Variants in PTPRT observed in about 807,000 individuals in gnomAD.
The protein encoded by PTPRT is protein tyrosine phosphatase receptor type T.
PTPRT carries 56 observed loss-of-function variants against 176.8 expected under a neutral mutation model. The ratio of observed to expected loss-of-function variants is 0.32; its 90% CI spans 0.26 to 0.40. PTPRT has a LOEUF of 0.40. Ranked by LOEUF, PTPRT falls within the 10% of genes least tolerant of loss-of-function variation. The probability of loss-of-function intolerance (pLI) is 1.00; values close to 1 mark genes in which losing one functional copy is unlikely to be tolerated. For synonymous variants in PTPRT, 783 were observed against 739.0 expected, an observed-to-expected ratio of 1.06 and a Z score of -0.96; for missense variants, 1,540 against 1,908.2, an observed-to-expected ratio of 0.81 and a Z score of 3.60.
chr20:42,502,428 ACAC>A (rs2071768080), intron 7 of PTPRT, among the ~76,000 whole-genome samples: 1 of 148,002 alleles, frequency 6.8e-6, no homozygotes, highest in Admixed American at 6.6e-5. Flanking sequence ...ACACACACAC[ACAC>A]ACACACACAC....
intron 1 of PTPRT, among the ~76,000 whole-genome samples, chr20:43,078,328 C>T (rs1465988468): frequency 6.6e-6 from 1 of 152,168 alleles, no homozygotes; most frequent in Non-Finnish European, 1.5e-5. Context: ...ACTCAGCCAG[C>T]CCTGAATGAA....
At position 42,079,796 on chromosome 20, in the gene PTPRT, C is replaced by T. The variant is rs1983133259; in HGVS notation, c.*1083G>A. The T allele has an allele frequency of 4.3e-6, 1 of 230,108 alleles. No homozygotes were observed. The highest frequency in any genetic ancestry group is 2.2e-5 in the African/African-American group (1 of 45,128). 14.3% of individuals were successfully genotyped at this position (230,108 alleles called of 1,614,324 possible). A position where few individuals can be genotyped will look rare whatever the true frequency, so the allele number is the denominator to read the frequency against. ...TTGCCCCAGAAACCAAAGGGACCAT[C>T]TTCAGGCTCACCCATCTCTCCTTGC... On this transcript the variant is annotated 3_prime_UTR_variant, in exon 31 of 31. Coordinates refer to ENST00000373187, the MANE Select transcript of PTPRT (RefSeq NM_007050.6).
At chr20:42,055,743 G>A in the PTPRT span, among the ~76,000 whole-genome samples, 4 of 152,168 alleles carry the variant, frequency 2.6e-5, no homozygotes, top group Non-Finnish European at 4.4e-5. Flanking sequence ...ATAGGAAGAG[G>A]TGCAGAAAGA....
intron 1 of PTPRT, among the ~76,000 whole-genome samples, chr20:42,903,902 T>C (rs565573518): frequency 2.6e-5 from 4 of 152,214 alleles, no homozygotes; most frequent in Admixed American, 2.6e-4. Context: ...TCCTCTCTAA[T>C]GTTGACACTT....
intron 1 of PTPRT, among the ~76,000 whole-genome samples, chr20:43,084,584 T>C (rs1211695251): frequency 6.6e-6 from 1 of 152,170 alleles, no homozygotes; most frequent in Non-Finnish European, 1.5e-5. Flanking sequence ...CATGTGCGGA[T>C]TACAATTCCA....
intron 1 of PTPRT, among the ~76,000 whole-genome samples, chr20:42,975,917 C>A (rs2146075831): frequency 6.7e-6 from 1 of 149,152 alleles, no homozygotes; most frequent in South Asian, 2.1e-4. Context: ...GTCCAACTTA[C>A]CCCCCCACCA....
intron 2 of PTPRT, among the ~76,000 whole-genome samples, chr20:42,823,416 A>G (rs981953029): frequency 3.9e-5 from 6 of 152,086 alleles, no homozygotes; most frequent in Non-Finnish European, 8.8e-5. Context: ...GAGGGAACTT[A>G]GAGGATGGGT....
chr20:42,246,147 T>C (rs759277940), intron 14 of PTPRT, among the ~76,000 whole-genome samples: 2 of 152,032 alleles, frequency 1.3e-5, no homozygotes, highest in African/African-American at 2.4e-5. Flanking sequence ...GTAGTATATA[T>C]TGATATATAT....
At chr20:42,487,291 T>C (rs1258307653) in intron 7 of PTPRT, among the ~76,000 whole-genome samples, 1 of 152,230 alleles carries the variant, frequency 6.6e-6, no homozygotes, top group Non-Finnish European at 1.5e-5. Flanking sequence ...CATTCTCATC[T>C]ACCAGCCAAA....
At chr20:42,985,263 G>A (rs1450163543) in intron 1 of PTPRT, among the ~76,000 whole-genome samples, 3 of 152,124 alleles carry the variant, frequency 2.0e-5, no homozygotes, top group South Asian at 2.1e-4. Flanking sequence ...TTGGGAGGCC[G>A]AGGTGGGTGG....
At chr20:42,045,524 C>T in the PTPRT span, among the ~76,000 whole-genome samples, 1 of 151,676 alleles carries the variant, frequency 6.6e-6, no homozygotes, top group Non-Finnish European at 1.5e-5. Flanking sequence ...AAGCGAGAGG[C>T]TTCAGGTTGG....
intron 3 of PTPRT, among the ~76,000 whole-genome samples, chr20:42,788,872 A>G (rs948272008): frequency 6.6e-6 from 1 of 152,168 alleles, no homozygotes; most frequent in African/African-American, 2.4e-5. Context: ...CAAGAACTCT[A>G]CTAGGGGAAA....
At chr20:43,119,425 C>A (rs2013176248) in intron 1 of PTPRT, among the ~76,000 whole-genome samples, 1 of 152,090 alleles carries the variant, frequency 6.6e-6, no homozygotes, top group Non-Finnish European at 1.5e-5. Context: ...TTTATTCATT[C>A]TTTTCTTATA....
At chr20:42,253,795 C>T (rs2056589264) in intron 13 of PTPRT, among the ~76,000 whole-genome samples, 1 of 152,206 alleles carries the variant, frequency 6.6e-6, no homozygotes. Context: ...CAAGCCTGAC[C>T]TGACGGCACA....
In PTPRT at chr20:42,943,491, G is replaced by A. The variant is rs548639535; in HGVS notation, c.89-57559C>T. 1.3e-3 allele frequency among the ~76,000 whole-genome samples: 202 copies of A among 152,216 alleles called. No individual in the cohort carries two copies. The Middle Eastern group carries it at 0.014, about 10-fold the overall frequency. ...TAAGTTACTCTTACTTCCCCTCCCA[G>A]GTGCCAGGCATGAGCAGCAGCAGCC... is the stretch of plus-strand genomic sequence containing the variant. On this transcript the variant is annotated intron_variant, in intron 1 of 30. Transcript: ENST00000373187.
chr20:42,416,886 C>A (rs1449050003), intron 9 of PTPRT, among the ~76,000 whole-genome samples: 1 of 152,172 alleles, frequency 6.6e-6, no homozygotes, highest in East Asian at 1.9e-4. Context: ...GGACAAAATT[C>A]TTCCTAGATG....
At chr20:42,231,387 C>G (rs1204184822) in intron 15 of PTPRT, among the ~76,000 whole-genome samples, 2 of 152,202 alleles carry the variant, frequency 1.3e-5, no homozygotes, top group Admixed American at 1.3e-4. Context: ...ATAGACAAGT[C>G]TTCAGACTTC....
intron 15 of PTPRT, among the ~76,000 whole-genome samples, chr20:42,210,367 T>G (rs1182543695): frequency 6.6e-6 from 1 of 152,006 alleles, no homozygotes; most frequent in Non-Finnish European, 1.5e-5. Context: ...TGTCCCTGTT[T>G]GCAGATGACA....
intron 1 of PTPRT, among the ~76,000 whole-genome samples, chr20:43,053,558 G>A (rs1987126728): frequency 6.6e-6 from 1 of 152,190 alleles, no homozygotes; most frequent in Admixed American, 6.5e-5. Context: ...GCATGATGAA[G>A]TTCCCTGGAT....
Sources: allele counts gnomAD v4.1 joint callset (sites outside exome capture counted in the v4.1 genomes callset), GRCh38; gene constraint gnomAD v4.1.1; transcripts MANE v1.5; gene names NCBI Gene and HGNC (gene_info 2026-07-23, HGNC 2026-07-21).